FBXL17: variants seen among roughly 807,000 people sequenced by gnomAD.
The protein encoded by FBXL17 is F-box/LRR-repeat protein 17.
In FBXL17, 22 loss-of-function variants were observed where a neutral mutation model predicts 66.2. The observed-to-expected ratio is 0.33, with a 90% CI of 0.24 to 0.47. The LOEUF (loss-of-function observed/expected upper bound fraction) is 0.47, where lower values mean the gene tolerates loss of function less well. Among genes scored for constraint, FBXL17 ranks in the 20% least tolerant of loss-of-function variants. FBXL17 has a pLI of 1.00. For missense variants in FBXL17, 878 were observed against 948.2 expected (o/e 0.93, Z 0.97); for synonymous variants, 474 against 400.5 (o/e 1.18, Z -2.19).
intron 4 of FBXL17, among the ~76,000 whole-genome samples, chr5:108,284,805 T>G (rs1043530160): frequency 6.6e-6 from 1 of 151,880 alleles, no homozygotes; most frequent in Non-Finnish European, 1.5e-5. Context: ...GGCTACTGAT[T>G]GATCAGGGTA....
intron 7 of FBXL17, among the ~76,000 whole-genome samples, chr5:107,914,015 A>C (rs1362444367): frequency 6.6e-6 from 1 of 152,028 alleles, no homozygotes; most frequent in Non-Finnish European, 1.5e-5. Flanking sequence ...CAATGATATA[A>C]GTATAAAATG....
chr5:108,198,378 T>A (rs560966180), intron 5 of FBXL17, among the ~76,000 whole-genome samples: 1 of 152,282 alleles, frequency 6.6e-6, no homozygotes, highest in African/African-American at 2.4e-5. Context: ...AGTTGGGTCA[T>A]CCATACTAGT....
intron 6 of FBXL17, among the ~76,000 whole-genome samples, chr5:108,120,767 A>T (rs938068300): frequency 7.2e-5 from 11 of 152,136 alleles, no homozygotes; most frequent in Non-Finnish European, 1.5e-4. Context: ...CAGGAGTTCG[A>T]GGTTGCAGAC....
chr5:108,371,431 A>G lies in FBXL17; in HGVS notation c.994-3478T>C, dbSNP rs1225251082. ...ACCAAATAAAGTTTTATTGGCACAC[A>G]AAACATAAATGAATGTATACAACTA... On this transcript the variant is annotated intron_variant, in intron 1 of 8. Transcript: ENST00000542267. 2.6e-5 allele frequency among the ~76,000 whole-genome samples: 4 copies of G among 152,384 alleles called. No homozygotes were observed. The East Asian group carries it at 7.7e-4, about 29-fold the overall frequency.
chr5:108,359,487 G>A (rs570183600), intron 3 of FBXL17, among the ~76,000 whole-genome samples: 29 of 152,166 alleles, frequency 1.9e-4, no homozygotes, highest in Admixed American at 1.4e-3. Context: ...GTTTTGGAAC[G>A]CTGTGTTTTC....
intron 1 of FBXL17, among the ~76,000 whole-genome samples, chr5:108,372,878 T>C (rs1178391373): frequency 6.6e-6 from 1 of 152,140 alleles, no homozygotes; most frequent in East Asian, 1.9e-4. Flanking sequence ...AATATAAAAG[T>C]GCATATTACT....
At chr5:107,915,271 T>C (rs1001463957) in intron 7 of FBXL17, among the ~76,000 whole-genome samples, 1 of 152,194 alleles carries the variant, frequency 6.6e-6, no homozygotes, top group Non-Finnish European at 1.5e-5. Context: ...GCCAATTTTT[T>C]AAATTTGTAT....
chr5:108,315,553 A>G (rs1759322898), intron 4 of FBXL17, among the ~76,000 whole-genome samples: 1 of 151,280 alleles, frequency 6.6e-6, no homozygotes, highest in Admixed American at 6.6e-5. Context: ...TATTTCTGTC[A>G]CTGTTATTTC....
intron 1 of FBXL17, among the ~76,000 whole-genome samples, chr5:108,375,672 C>A (rs751241258): frequency 2.2e-4 from 34 of 151,974 alleles, no homozygotes; most frequent in Non-Finnish European, 4.3e-4. Flanking sequence ...AGACAAGGAC[C>A]AGATGGCCTC....
At chr5:108,099,335 G>A (rs1749512801) in intron 6 of FBXL17, among the ~76,000 whole-genome samples, 1 of 152,084 alleles carries the variant, frequency 6.6e-6, no homozygotes, top group Non-Finnish European at 1.5e-5. Flanking sequence ...CTAGGCCTGA[G>A]AATTAAACTA....
chr5:108,242,829 A>T (rs1561484502), intron 4 of FBXL17, among the ~76,000 whole-genome samples: 1 of 152,158 alleles, frequency 6.6e-6, no homozygotes, highest in African/African-American at 2.4e-5. Context: ...ATCTAAAAAA[A>T]TTCAGCAAAA....
At chr5:108,331,859 A>G (rs183916708) in intron 4 of FBXL17, among the ~76,000 whole-genome samples, 1 of 152,354 alleles carries the variant, frequency 6.6e-6, no homozygotes, top group Admixed American at 6.5e-5. Flanking sequence ...ATTTATGAAT[A>G]TAACTTATAA....
intron 7 of FBXL17, among the ~76,000 whole-genome samples, chr5:107,969,607 T>C (rs1253657056): frequency 1.3e-5 from 2 of 152,204 alleles, no homozygotes; most frequent in African/African-American, 4.8e-5. Flanking sequence ...AAGTTTGTGT[T>C]CTTCTAATTT....
At chr5:108,293,370 T>C (rs928313992) in intron 4 of FBXL17, among the ~76,000 whole-genome samples, 16 of 152,300 alleles carry the variant, frequency 1.1e-4, no homozygotes, top group African/African-American at 3.1e-4. Flanking sequence ...GTGAAAACTG[T>C]GAATTCCATT....
intron 6 of FBXL17, among the ~76,000 whole-genome samples, chr5:108,138,438 TATC>T (rs1432444069): frequency 6.6e-6 from 1 of 152,194 alleles, no homozygotes; most frequent in Non-Finnish European, 1.5e-5. Flanking sequence ...TGTGTGTAGA[TATC>T]ATACGTTTTT....
rs1751080045 is a variant in FBXL17 at position 107,941,133 on chromosome 5, C to CT, written c.1823-59955_1823-59954insA. 2.7e-5 allele frequency among the ~76,000 whole-genome samples: 4 copies of CT among 145,716 alleles called. No individual in the cohort carries two copies. In the South Asian group the frequency reaches 8.7e-4, roughly 32 times the overall value. On this transcript the variant is annotated intron_variant, in intron 7 of 8. Transcript: ENST00000542267. ...AAATCAAGTGAAAAAAAAAAAACCCCACACACTTTTTTCTGCGATTACATT... is the reference window on the plus strand; with the variant it reads ...AAATCAAGTGAAAAAAAAAAAACCCCTACACACTTTTTTCTGCGATTACATT...
At chr5:107,952,838 AT>A (rs1236925846) in intron 7 of FBXL17, among the ~76,000 whole-genome samples, 2 of 152,212 alleles carry the variant, frequency 1.3e-5, no homozygotes, top group Non-Finnish European at 2.9e-5. Context: ...TAATAAGTTA[AT>A]TTGACTTTCC....
chr5:108,200,896 T>C (rs1028987610), intron 5 of FBXL17, among the ~76,000 whole-genome samples: 1 of 152,168 alleles, frequency 6.6e-6, no homozygotes, highest in South Asian at 2.1e-4. Flanking sequence ...TGTACTCTAT[T>C]GGACTCTATT....
chr5:108,122,367 T>C (rs1305800193), intron 6 of FBXL17, among the ~76,000 whole-genome samples: 2 of 152,216 alleles, frequency 1.3e-5, no homozygotes, highest in Admixed American at 6.5e-5. Context: ...TTTCATGTTC[T>C]TAACCACAGT....
Sources: allele counts gnomAD v4.1 joint callset (sites outside exome capture counted in the v4.1 genomes callset), GRCh38; gene constraint gnomAD v4.1.1; transcripts MANE v1.5; gene names NCBI Gene and HGNC (gene_info 2026-07-23, HGNC 2026-07-21).